The following CCSER1 variants were observed in gnomAD, a reference collection of about 807,000 sequenced individuals.
CCSER1 encodes coiled-coil serine rich protein 1.
In CCSER1, 41 loss-of-function variants were observed where a neutral mutation model predicts 82.0. That is an observed-to-expected ratio of 0.50 (90% CI 0.39 to 0.65). CCSER1 has a LOEUF of 0.65. Among genes scored for constraint, CCSER1 ranks in the 30% least tolerant of loss-of-function variants. The pLI, the probability that CCSER1 is intolerant of heterozygous loss-of-function variation, is 0.00. For missense variants in CCSER1, 1,119 were observed against 1,064.2 expected, an observed-to-expected ratio of 1.05 and a Z score of -0.72; for synonymous variants, 414 against 383.9, an observed-to-expected ratio of 1.08 and a Z score of -0.92.
chr4:90,476,021 C>CAT (rs1553921009), intron 5 of CCSER1, among the ~76,000 whole-genome samples: 9 of 148,392 alleles, frequency 6.1e-5, no homozygotes, highest in Non-Finnish European at 1.2e-4. Flanking sequence ...CTTCTTTTCT[C>CAT]GTGTGTGTGT....
At chr4:91,174,297 T>G (rs1199571141) in intron 10 of CCSER1, among the ~76,000 whole-genome samples, 1 of 152,108 alleles carries the variant, frequency 6.6e-6, no homozygotes, top group Non-Finnish European at 1.5e-5. Context: ...TATTTTGTAT[T>G]ATTATAATAT....
intron 10 of CCSER1, among the ~76,000 whole-genome samples, chr4:91,206,363 A>G (rs1377300204): frequency 6.6e-6 from 1 of 151,894 alleles, no homozygotes; most frequent in African/African-American, 2.4e-5. Flanking sequence ...CTGAAATGCA[A>G]TTAGCCTCCT....
At chr4:91,029,109 T>G (rs762361705) in intron 9 of CCSER1, among the ~76,000 whole-genome samples, 4 of 151,998 alleles carry the variant, frequency 2.6e-5, no homozygotes, top group Non-Finnish European at 5.9e-5. Context: ...TATAGAGTGA[T>G]CCTCTTCATA....
chr4:91,165,652 C>A (rs1013069748), intron 10 of CCSER1, among the ~76,000 whole-genome samples: 1 of 152,242 alleles, frequency 6.6e-6, no homozygotes, highest in Non-Finnish European at 1.5e-5. Flanking sequence ...CGCCCCTCCC[C>A]CTGCCAGGCT....
intron 1 of CCSER1, among the ~76,000 whole-genome samples, chr4:90,266,858 G>C (rs7680737): frequency 0.055 from 8,354 of 152,026 alleles, 619 homozygotes; most frequent in African/African-American, 0.17. Flanking sequence ...CTAGGCCACA[G>C]GGACTACAAA....
At chr4:91,011,971 AG>A (rs1303366516) in intron 9 of CCSER1, among the ~76,000 whole-genome samples, 1 of 134,940 alleles carries the variant, frequency 7.4e-6, no homozygotes, top group Admixed American at 7.3e-5. Flanking sequence ...ATACAGCTCC[AG>A]GGAAGCTAAG....
rs570423213 is a variant in CCSER1 at position 91,284,436 on chromosome 4, C to T, written c.2217+198442C>T. Among the ~76,000 whole-genome samples the T allele has an allele frequency of 3.6e-4, 55 of 152,186 alleles. 2 individuals carry two copies. The South Asian group carries it at 0.011, about 30-fold the overall frequency. On this transcript the variant is annotated intron_variant, in intron 10 of 10. Coordinates refer to ENST00000509176, the MANE Select transcript of CCSER1 (RefSeq NM_001145065.2). Reference sequence around the variant, plus strand: ...AGAAAGCCCAGAGTTTACAACCTTGCTCAGCTGTGTTATAAATATATGCAC... The same window carrying T: ...AGAAAGCCCAGAGTTTACAACCTTGTTCAGCTGTGTTATAAATATATGCAC...
chr4:91,096,401 C>T (rs1323203966), intron 10 of CCSER1, among the ~76,000 whole-genome samples: 1 of 152,190 alleles, frequency 6.6e-6, no homozygotes, highest in African/African-American at 2.4e-5. Flanking sequence ...CTTCCCTCGG[C>T]AGGTGGAGTG....
Position 90,430,719 on chromosome 4 carries a change from A to G in CCSER1, c.1603+30590A>G, listed in dbSNP as rs368788257. On this transcript the variant is annotated intron_variant, in intron 4 of 10. Transcript: ENST00000509176. Reference sequence around the variant, plus strand: ...AATATGTGGGTTCTGCTAGTAAATAATCTCACTTTTGTAAAAGAAAAGATA... The same window carrying G: ...AATATGTGGGTTCTGCTAGTAAATAGTCTCACTTTTGTAAAAGAAAAGATA... 1.7e-4 allele frequency among the ~76,000 whole-genome samples: 26 copies of G among 151,996 alleles called. No homozygotes were observed. The East Asian group carries it at 2.7e-3, about 16-fold the overall frequency.
At chr4:90,128,347 G>C (rs1414617113) in intron 1 of CCSER1, among the ~76,000 whole-genome samples, 1 of 152,202 alleles carries the variant, frequency 6.6e-6, no homozygotes, top group African/African-American at 2.4e-5. Flanking sequence ...TGCGGGGCCG[G>C]GACCACCTCT....
At chr4:91,369,058 C>T (rs1436530576) in intron 10 of CCSER1, among the ~76,000 whole-genome samples, 2 of 152,172 alleles carry the variant, frequency 1.3e-5, no homozygotes. Context: ...AAGTGACTTC[C>T]ATGTGTTCTG....
At chr4:91,379,094 A>G (rs944340799) in intron 10 of CCSER1, among the ~76,000 whole-genome samples, 32 of 152,202 alleles carry the variant, frequency 2.1e-4, no homozygotes, top group African/African-American at 7.7e-4. Flanking sequence ...CATCCCAGGG[A>G]TGAAGCCCAC....
At chr4:91,085,080 G>T (rs986609810) in intron 9 of CCSER1, among the ~76,000 whole-genome samples, 2 of 150,854 alleles carry the variant, frequency 1.3e-5, no homozygotes, top group African/African-American at 2.4e-5. Context: ...AAACATAATA[G>T]GTCTAGTGCA....
intron 10 of CCSER1, among the ~76,000 whole-genome samples, chr4:91,494,084 A>G (rs142732134): frequency 1.0e-3 from 154 of 152,054 alleles, no homozygotes; most frequent in Non-Finnish European, 9.9e-4. Context: ...AGAGCACGTT[A>G]GATAAGCAAC....
At position 90,399,597 on chromosome 4, in the gene CCSER1, T is replaced by C. The variant is rs373269484; in HGVS notation, c.1510-439T>C. Among the ~76,000 whole-genome samples, 15 of 152,114 alleles carry C rather than the reference T, an allele frequency of 9.9e-5. 1 individual carries two copies. The East Asian group carries it at 2.1e-3, about 21-fold the overall frequency. On this transcript the variant is annotated intron_variant, in intron 3 of 10. Transcript: ENST00000509176. ...GTAACTGGAGTTTCATTTCACAGAC[T>C]TCTATTTGAAAAATGTGTATATACT...
intron 10 of CCSER1, among the ~76,000 whole-genome samples, chr4:91,254,953 T>A (rs1432295888): frequency 6.6e-6 from 1 of 152,160 alleles, no homozygotes; most frequent in Non-Finnish European, 1.5e-5. Context: ...ATCATTCTAT[T>A]ATCTCTATGA....
At position 91,327,397 on chromosome 4, in the gene CCSER1, T is replaced by G. The variant is rs147164221; in HGVS notation, c.2217+241403T>G. Among the ~76,000 whole-genome samples the G allele has an allele frequency of 9.5e-3, 1,449 of 152,296 alleles. 10 individuals are homozygous for G. The highest frequency in any genetic ancestry group is 0.014 in the Non-Finnish European group (952 of 68,030). Reference sequence around the variant, plus strand: ...GTTGGAGCTGCACCTTGGTCCCTTTTAGCCATGGCTGGAGCTGGAGAGTCT... The same window carrying G: ...GTTGGAGCTGCACCTTGGTCCCTTTGAGCCATGGCTGGAGCTGGAGAGTCT... On this transcript the variant is annotated intron_variant, in intron 10 of 10. Coordinates refer to ENST00000509176, the MANE Select transcript of CCSER1 (RefSeq NM_001145065.2).
At chr4:90,262,181 T>C (rs1285374256) in intron 1 of CCSER1, among the ~76,000 whole-genome samples, 2 of 152,170 alleles carry the variant, frequency 1.3e-5, no homozygotes, top group Non-Finnish European at 2.9e-5. Context: ...TTTTGTCATA[T>C]TACAAATCCC....
chr4:91,102,465 G>A (rs1305686633), intron 10 of CCSER1, among the ~76,000 whole-genome samples: 2 of 152,130 alleles, frequency 1.3e-5, no homozygotes, highest in African/African-American at 4.8e-5. Flanking sequence ...CTGGATATAA[G>A]TAAGATTTTG....
Sources: allele counts gnomAD v4.1 joint callset (sites outside exome capture counted in the v4.1 genomes callset), GRCh38; gene constraint gnomAD v4.1.1; transcripts MANE v1.5; gene names NCBI Gene and HGNC (gene_info 2026-07-23, HGNC 2026-07-21).